Variants in TRPM3 observed in about 807,000 individuals in gnomAD.
TRPM3 encodes the protein long transient receptor potential channel 3.
TRPM3 carries 77 observed loss-of-function variants against 181.2 expected under a neutral mutation model. The ratio of observed to expected loss-of-function variants is 0.42; its 90% CI spans 0.35 to 0.51. The LOEUF is 0.51. Ranked by LOEUF, TRPM3 falls within the 20% of genes least tolerant of loss-of-function variation. The pLI, the probability that TRPM3 is intolerant of heterozygous loss-of-function variation, is 0.01. For synonymous variants in TRPM3, 745 were observed against 796.4 expected (o/e 0.94, Z 1.09); for missense variants, 1,759 against 2,196.7 (o/e 0.80, Z 3.98).
At chr9:71,105,977 A>C (rs1006497438) in intron 1 of TRPM3, among the ~76,000 whole-genome samples, 1 of 152,068 alleles carries the variant, frequency 6.6e-6, no homozygotes, top group African/African-American at 2.4e-5. Context: ...AATATTATTG[A>C]GCTTACAGAA....
intron 1 of TRPM3, among the ~76,000 whole-genome samples, chr9:71,282,061 G>GAGAAAGAA (rs2084756465): frequency 1.2e-5 from 1 of 85,370 alleles, no homozygotes; most frequent in Non-Finnish European, 2.4e-5. Context: ...AACAGAAAGA[G>GAGAAAGAA]AGAAAGAAAG....
intron 6 of TRPM3, among the ~76,000 whole-genome samples, chr9:70,810,873 T>C (rs2091895664): frequency 6.6e-6 from 1 of 152,122 alleles, no homozygotes; most frequent in African/African-American, 2.4e-5. Context: ...TTTGTGAGTA[T>C]TAAAAGAGAT....
chr9:70,958,006 A>G (rs2097096763), intron 1 of TRPM3, among the ~76,000 whole-genome samples: 1 of 152,238 alleles, frequency 6.6e-6, no homozygotes. Context: ...AATTAGGAAT[A>G]GCATGTATGA....
intron 1 of TRPM3, among the ~76,000 whole-genome samples, chr9:70,896,765 T>C (rs1451562301): frequency 6.6e-6 from 1 of 150,802 alleles, no homozygotes; most frequent in Non-Finnish European, 1.5e-5. Flanking sequence ...AGATTTTAAT[T>C]AAAAGATTAC....
chr9:70,851,531 G>C (rs918129059), intron 3 of TRPM3, among the ~76,000 whole-genome samples: 5 of 152,072 alleles, frequency 3.3e-5, no homozygotes, highest in African/African-American at 1.2e-4. Context: ...AAATGAAAAG[G>C]GTCTACTTAT....
At chr9:71,327,776 C>T (rs2089803462) in intron 1 of TRPM3, among the ~76,000 whole-genome samples, 1 of 152,190 alleles carries the variant, frequency 6.6e-6, no homozygotes, top group Non-Finnish European at 1.5e-5. Flanking sequence ...TGCCTGCTAA[C>T]ATCTTCCTGA....
chr9:70,837,041 G>A (rs547017871), intron 5 of TRPM3, among the ~76,000 whole-genome samples: 98 of 152,300 alleles, frequency 6.4e-4, no homozygotes, highest in African/African-American at 2.2e-3. Flanking sequence ...CATTGGCTCT[G>A]TCTGGTATAA....
intron 22 of TRPM3, among the ~76,000 whole-genome samples, chr9:70,586,859 A>T (rs937802993): frequency 1.3e-5 from 2 of 152,202 alleles, no homozygotes; most frequent in African/African-American, 4.8e-5. Context: ...TCTGATTTCC[A>T]CATGGGAAGT....
intron 1 of TRPM3, among the ~76,000 whole-genome samples, chr9:71,419,430 T>G (rs1332523741): frequency 6.6e-6 from 1 of 151,978 alleles, no homozygotes; most frequent in Non-Finnish European, 1.5e-5. Flanking sequence ...TACAAATTAT[T>G]AGGTATCTTT....
chr9:70,877,652 A>G (rs1288751576), intron 1 of TRPM3, among the ~76,000 whole-genome samples: 1 of 151,990 alleles, frequency 6.6e-6, no homozygotes, highest in African/African-American at 2.4e-5. Flanking sequence ...ATGGAGTGGA[A>G]ACCAAGTATC....
intron 6 of TRPM3, among the ~76,000 whole-genome samples, chr9:70,791,997 T>C (rs568814899): frequency 1.3e-5 from 2 of 152,276 alleles, no homozygotes; most frequent in East Asian, 3.9e-4. Flanking sequence ...AGCTGGGCAG[T>C]GGATGAGTAG....
chr9:70,825,850 C>G (rs2093523271), intron 6 of TRPM3: 1 of 152,266 alleles, frequency 6.6e-6, no homozygotes, highest in Non-Finnish European at 1.5e-5. Context: ...CCCCCTTCCT[C>G]TAGGCATTCT....
chr9:70,963,955 T>G (rs937893951), intron 1 of TRPM3, among the ~76,000 whole-genome samples: 7 of 152,122 alleles, frequency 4.6e-5, no homozygotes, highest in Non-Finnish European at 1.0e-4. Flanking sequence ...TCTTACAAAA[T>G]GTGTTTTCTC....
chr9:71,053,573 C>T (rs562173910), intron 1 of TRPM3, among the ~76,000 whole-genome samples: 1 of 152,172 alleles, frequency 6.6e-6, no homozygotes, highest in East Asian at 1.9e-4. Flanking sequence ...AATTCCACTG[C>T]CCAATTTTGA....
At chr9:71,212,896 C>A (rs757382563) in intron 1 of TRPM3, among the ~76,000 whole-genome samples, 4 of 151,966 alleles carry the variant, frequency 2.6e-5, no homozygotes, top group Non-Finnish European at 5.9e-5. Flanking sequence ...ACAGGAAAGA[C>A]TGATGACACA....
intron 6 of TRPM3, among the ~76,000 whole-genome samples, chr9:70,793,407 G>A (rs2086038206): frequency 6.7e-6 from 1 of 148,308 alleles, no homozygotes; most frequent in Non-Finnish European, 1.5e-5. Flanking sequence ...AGTGAGCCCT[G>A]AGGGTGCCAT....
intron 8 of TRPM3, among the ~76,000 whole-genome samples, chr9:70,740,389 T>C (rs996411689): frequency 2.0e-5 from 3 of 152,200 alleles, no homozygotes; most frequent in African/African-American, 7.2e-5. Flanking sequence ...AAAATGAACA[T>C]ACTGCCAAAA....
At chr9:70,881,667 T>G (rs1422588377) in intron 1 of TRPM3, among the ~76,000 whole-genome samples, 1 of 152,224 alleles carries the variant, frequency 6.6e-6, no homozygotes, top group Non-Finnish European at 1.5e-5. Flanking sequence ...AAACGAAGAC[T>G]TAGCAGAATA....
At chr9:70,696,777 T>C (rs11793971) in intron 8 of TRPM3, among the ~76,000 whole-genome samples, 10,416 of 152,198 alleles carry the variant, frequency 0.068, 518 homozygotes, top group African/African-American at 0.14. Context: ...TCATAAACAA[T>C]GACAAATAAA....
Sources: gnomAD v4.1 joint callset for allele counts (sites outside exome capture counted in the v4.1 genomes callset) on GRCh38, gnomAD v4.1.1 for gene constraint, MANE v1.5 for transcripts, NCBI Gene and HGNC (gene_info 2026-07-23, HGNC 2026-07-21) for gene names.